The following HSF2BP variants were observed in gnomAD, a reference collection of about 807,000 sequenced individuals.
The protein encoded by HSF2BP is heat shock factor 2-binding protein.
In HSF2BP, 35 loss-of-function variants were observed where a neutral mutation model predicts 35.0. That is an observed-to-expected ratio of 1.00 (90% CI 0.76 to 1.32). HSF2BP has a LOEUF of 1.32. HSF2BP is among the 40% of genes most tolerant of loss of function. HSF2BP has a pLI of 0.00. For synonymous variants in HSF2BP, 114 were observed against 117.4 expected, an observed-to-expected ratio of 0.97 and a Z score of 0.18; for missense variants, 326 against 321.7, an observed-to-expected ratio of 1.01 and a Z score of -0.10.
intron 7 of HSF2BP, among the ~76,000 whole-genome samples, chr21:43,601,086 C>A (rs913373352): frequency 4.6e-5 from 7 of 152,190 alleles, no homozygotes; most frequent in African/African-American, 1.4e-4. Flanking sequence ...TGTGCTATTA[C>A]AAACACCACT....
chr21:43,606,477 G>A (rs190111319), intron 7 of HSF2BP, among the ~76,000 whole-genome samples: 6 of 152,226 alleles, frequency 3.9e-5, no homozygotes, highest in African/African-American at 2.4e-5. Context: ...AGTTTAGAGG[G>A]AACAATGGTA....
intron 8 of HSF2BP, among the ~76,000 whole-genome samples, chr21:43,584,558 T>C (rs772378535): frequency 3.3e-5 from 5 of 152,208 alleles, no homozygotes; most frequent in South Asian, 2.1e-4. Context: ...CCAGAGTTAA[T>C]GTTTGGCCAA....
At chr21:43,572,226 C>T (rs889081928) in intron 8 of HSF2BP, among the ~76,000 whole-genome samples, 6 of 152,154 alleles carry the variant, frequency 3.9e-5, no homozygotes, top group African/African-American at 9.7e-5. Flanking sequence ...CTGGGAGTCA[C>T]GAGGTGGCTG....
rs183422213 is a variant in HSF2BP, at chr21:43,582,389, G to A, written c.796+9836C>T. On this transcript the variant is annotated intron_variant, in intron 8 of 8. Transcript: ENST00000291560. ...GCTGTGGGGGATGAGGGCCTGGTGA[G>A]GGGGATGAGGGCCTGCTGCAGGAGA... Among the ~76,000 whole-genome samples, 901 of 149,254 alleles carry A rather than the reference G, an allele frequency of 6.0e-3. 9 individuals are homozygous for A. Among genetic ancestry groups the A allele is most frequent in the Non-Finnish European group, 9.2e-3 (618 of 66,942 alleles).
intron 4 of HSF2BP, among the ~76,000 whole-genome samples, chr21:43,633,998 A>ACTGGCACCTTTGG (rs2082519274): frequency 6.6e-6 from 1 of 152,236 alleles, no homozygotes; most frequent in Non-Finnish European, 1.5e-5. Context: ...AATATAAAAT[A>ACTGGCACCTTTGG]CAATCTGTGA....
At position 43,638,387 on chromosome 21, in the gene HSF2BP, G is replaced by A. The variant is rs1026799570; in HGVS notation, c.292-4966C>T. Among the ~76,000 whole-genome samples the A allele has an allele frequency of 2.0e-5, 3 of 152,270 alleles. No homozygotes were observed. In the South Asian group the frequency reaches 6.2e-4, roughly 32 times the overall value. ...GCAGGAAAATTGCCTGAACCTGAGA[G>A]GCAGAGGTTGTAGTGAGCTGCGATC... On this transcript the variant is annotated intron_variant, in intron 4 of 8. Transcript: ENST00000291560.
chr21:43,603,539 T>A (rs768513847), intron 7 of HSF2BP, among the ~76,000 whole-genome samples: 1 of 152,220 alleles, frequency 6.6e-6, no homozygotes, highest in Non-Finnish European at 1.5e-5. Flanking sequence ...CTGCACACAG[T>A]TCTGTCAAGT....
intron 5 of HSF2BP, among the ~76,000 whole-genome samples, chr21:43,632,867 A>G (rs1012329609): frequency 5.9e-5 from 7 of 118,760 alleles, no homozygotes; most frequent in African/African-American, 2.2e-4. Flanking sequence ...AAGGTTCTGC[A>G]TCTATATGTA....
At chr21:43,644,246 C>T (rs1337314651) in intron 4 of HSF2BP, 43 bp downstream of exon 4, 2 of 1,447,904 alleles carry the variant, frequency 1.4e-6, no homozygotes, top group Non-Finnish European at 1.9e-6. Context: ...GTAAGCCAGC[C>T]CCACTTTCTG....
intron 8 of HSF2BP, among the ~76,000 whole-genome samples, chr21:43,578,410 C>T (rs2081673113): frequency 1.3e-5 from 2 of 151,694 alleles, no homozygotes; most frequent in Admixed American, 6.6e-5. Context: ...CTTCTCTTTC[C>T]CTGAGTCATA....
chr21:43,650,577 A>C (rs2082770820), intron 3 of HSF2BP, among the ~76,000 whole-genome samples: 1 of 151,964 alleles, frequency 6.6e-6, no homozygotes, highest in African/African-American at 2.4e-5. Flanking sequence ...TGATTTATTC[A>C]CCACTGTTGG....
chr21:43,629,187 T>C (rs2082424788), intron 6 of HSF2BP, among the ~76,000 whole-genome samples: 1 of 152,204 alleles, frequency 6.6e-6, no homozygotes, highest in Admixed American at 6.5e-5. Context: ...ACAGCTGCCA[T>C]AGACAGTGAT....
At chr21:43,591,447 G>A (rs1012818608) in intron 8 of HSF2BP, among the ~76,000 whole-genome samples, 2 of 152,172 alleles carry the variant, frequency 1.3e-5, no homozygotes, top group Non-Finnish European at 2.9e-5. Flanking sequence ...TGTTTTATAA[G>A]AGACAATTTC....
chr21:43,592,164 G>C, intron 8 of HSF2BP, 61 bp downstream of exon 8: 1 of 1,106,064 alleles, frequency 9.0e-7, no homozygotes, highest in Non-Finnish European at 1.4e-6. Flanking sequence ...ATGCCCCGTG[G>C]ATAAGGGAGG....
intron 8 of HSF2BP, among the ~76,000 whole-genome samples, chr21:43,581,865 G>GAGAT (rs1411276469): frequency 7.3e-6 from 1 of 137,722 alleles, no homozygotes. Context: ...CCTGCTGAGG[G>GAGAT]GCCCTGCTGT....
Position 43,613,859 on chromosome 21 carries a change from C to T in HSF2BP, c.663G>A (p.Leu221=), listed in dbSNP as rs747153474. The change falls in exon 7 of 9, where the codon TTG becomes TTA. Residue 221 remains leucine, a synonymous_variant. Transcript: ENST00000291560. ...LDTILQLLGD[L]KPGQCTKLKV... ...TGAGTTTGGTACACTGTCCTGGCTT[C>T]AAGTCTCCCAGAAGCTGCAATATGG... The T allele has an allele frequency of 2.2e-5, 36 of 1,613,670 alleles. No individual in the cohort carries two copies. In the South Asian group the frequency reaches 4.0e-4, roughly 18 times the overall value.
chr21:43,495,600 G>A, the HSF2BP span, among the ~76,000 whole-genome samples: 2 of 115,714 alleles, frequency 1.7e-5, no homozygotes, highest in East Asian at 2.2e-4. Flanking sequence ...AGGCCACCTC[G>A]CTTGGACAAA....
intron 8 of HSF2BP, among the ~76,000 whole-genome samples, chr21:43,575,264 C>T (rs1388776643): frequency 6.6e-6 from 1 of 152,236 alleles, no homozygotes; most frequent in East Asian, 1.9e-4. Flanking sequence ...CATGAGCATG[C>T]TCGCCTTTCG....
At chr21:43,648,576 T>A (rs1280290453) in intron 3 of HSF2BP, among the ~76,000 whole-genome samples, 2 of 151,912 alleles carry the variant, frequency 1.3e-5, no homozygotes, top group African/African-American at 4.8e-5. Context: ...CTCCTTTTGT[T>A]CCCTGCCAGG....
Sources: allele counts gnomAD v4.1 joint callset (sites outside exome capture counted in the v4.1 genomes callset), GRCh38; gene constraint gnomAD v4.1.1; transcripts MANE v1.5; gene names NCBI Gene and HGNC (gene_info 2026-07-23, HGNC 2026-07-21).